PAWR: variants seen among roughly 807,000 people sequenced by gnomAD.
The protein encoded by PAWR is PRKC apoptosis WT1 regulator protein.
In PAWR, 23 loss-of-function variants were observed where a neutral mutation model predicts 32.0. The observed-to-expected ratio is 0.72, with a 90% CI of 0.52 to 1.02. PAWR has a LOEUF of 1.02. PAWR is among the 50% of genes least tolerant of loss of function. PAWR has a pLI of 0.00. For missense variants in PAWR, 457 were observed against 437.7 expected (o/e 1.04, Z -0.39); for synonymous variants, 226 against 187.1 (o/e 1.21, Z -1.70).
chr12:79,689,587 C>T (rs1174554852), intron 2 of PAWR, 142 bp downstream of exon 2: 1 of 906,698 alleles, frequency 1.1e-6, no homozygotes, highest in African/African-American at 1.7e-5. Context: ...ACTCCATCAC[C>T]CCCTGCCTGC....
chr12:79,631,607 T>C (rs1176160966), intron 2 of PAWR, among the ~76,000 whole-genome samples: 2 of 152,122 alleles, frequency 1.3e-5, no homozygotes, highest in African/African-American at 4.8e-5. Context: ...ATTACAACTA[T>C]AAAAATCTTG....
intron 2 of PAWR, among the ~76,000 whole-genome samples, chr12:79,636,588 T>G (rs906974567): frequency 5.3e-5 from 8 of 152,192 alleles, no homozygotes; most frequent in African/African-American, 1.2e-4. Context: ...TAGCTTAAAT[T>G]GTGATCTACT....
chr12:79,593,161 C>G (rs1405941384), intron 6 of PAWR, among the ~76,000 whole-genome samples: 3 of 152,074 alleles, frequency 2.0e-5, no homozygotes, highest in Non-Finnish European at 4.4e-5. Flanking sequence ...ACTGTCTGAT[C>G]TTTAAAGGTG....
chr12:79,647,327 T>C (rs1314762399), intron 2 of PAWR, among the ~76,000 whole-genome samples: 1 of 152,216 alleles, frequency 6.6e-6, no homozygotes, highest in Non-Finnish European at 1.5e-5. Flanking sequence ...TTCTGGAAAC[T>C]TTAAAAAATT....
chr12:79,640,482 T>A (rs1876267512), intron 2 of PAWR, among the ~76,000 whole-genome samples: 1 of 152,206 alleles, frequency 6.6e-6, no homozygotes, highest in Non-Finnish European at 1.5e-5. Flanking sequence ...GGCTCACACT[T>A]ATAATCCCAG....
intron 2 of PAWR, among the ~76,000 whole-genome samples, chr12:79,647,107 A>C (rs961735540): frequency 6.6e-6 from 1 of 151,272 alleles, no homozygotes; most frequent in Non-Finnish European, 1.5e-5. Context: ...ACCAGGAGGC[A>C]GAGGTTGCAG....
chr12:79,679,388 T>C (rs1024497152), intron 2 of PAWR, among the ~76,000 whole-genome samples: 2 of 152,118 alleles, frequency 1.3e-5, no homozygotes, highest in Non-Finnish European at 2.9e-5. Flanking sequence ...GGTCACAAGT[T>C]TGGTGACACT....
At chr12:79,629,991 C>T (rs1875529433) in intron 2 of PAWR, among the ~76,000 whole-genome samples, 1 of 151,554 alleles carries the variant, frequency 6.6e-6, no homozygotes, top group Non-Finnish European at 1.5e-5. Context: ...AAATTTATAA[C>T]AATGAATATT....
chr12:79,628,298 C>T (rs949872739), intron 2 of PAWR, among the ~76,000 whole-genome samples: 9 of 152,032 alleles, frequency 5.9e-5, no homozygotes, highest in Non-Finnish European at 1.3e-4. Context: ...ATCTCTGGGA[C>T]ACATTCAAAG....
chr12:79,666,065 A>G (rs988566168), intron 2 of PAWR, among the ~76,000 whole-genome samples: 1 of 152,310 alleles, frequency 6.6e-6, no homozygotes, highest in Admixed American at 6.5e-5. Flanking sequence ...GTTAGTTGAT[A>G]TAGTACTAAA....
In PAWR at chr12:79,585,963, G is replaced by A. The variant is rs1437657707; in HGVS notation, c.*6644C>T. On this transcript the variant is annotated 3_prime_UTR_variant, in exon 7 of 7. Coordinates refer to ENST00000328827, the MANE Select transcript of PAWR (RefSeq NM_002583.4). The stretch of plus-strand genomic sequence containing the variant: ...CCACTGCACCTAGCCAGGCATATTG[G>A]TTTTAAAAGGGTTACAAGAAACAAG... 1.3e-5 allele frequency: 2 copies of A among 152,144 alleles called. No individual in the cohort carries two copies. The highest frequency in any genetic ancestry group is 2.9e-5 in the Non-Finnish European group (2 of 68,036). The allele number at this position is 152,144 out of a possible 1,614,324, so 9.4% of individuals were successfully genotyped here. A position where few individuals can be genotyped will look rare whatever the true frequency, so the allele number is the denominator to read the frequency against.
At chr12:79,688,124 C>G (rs947331086) in intron 2 of PAWR, among the ~76,000 whole-genome samples, 1 of 151,876 alleles carries the variant, frequency 6.6e-6, no homozygotes, top group Non-Finnish European at 1.5e-5. Flanking sequence ...ACATTCTCAG[C>G]ACTATGTTCT....
At chr12:79,607,745 ATAATAAT>A (rs1160146731) in intron 4 of PAWR, among the ~76,000 whole-genome samples, 3 of 138,658 alleles carry the variant, frequency 2.2e-5, no homozygotes, top group African/African-American at 2.5e-5. Flanking sequence ...AAAAAAAAAA[ATAATAAT>A]AATAATAATA....
chr12:79,593,419 C>A (rs1267404267), intron 6 of PAWR, among the ~76,000 whole-genome samples: 1 of 152,056 alleles, frequency 6.6e-6, no homozygotes, highest in East Asian at 1.9e-4. Flanking sequence ...ATCCTTGTCC[C>A]AAACACACAA....
chr12:79,647,304 C>A (rs1876624632), intron 2 of PAWR, among the ~76,000 whole-genome samples: 1 of 151,778 alleles, frequency 6.6e-6, no homozygotes, highest in Non-Finnish European at 1.5e-5. Flanking sequence ...AACTATAATT[C>A]CTTTAAATGT....
chr12:79,605,996 C>CCCA (rs904619098), intron 4 of PAWR, among the ~76,000 whole-genome samples: 2 of 152,056 alleles, frequency 1.3e-5, no homozygotes, highest in Admixed American at 1.3e-4. Flanking sequence ...ATCACTTGAA[C>CCCA]CCACAACGCG....
At chr12:79,624,478 C>A (rs147056413) in intron 2 of PAWR, among the ~76,000 whole-genome samples, 9 of 152,308 alleles carry the variant, frequency 5.9e-5, no homozygotes, top group African/African-American at 2.2e-4. Flanking sequence ...GGCAACACTG[C>A]TATCCACTGA....
chr12:79,628,171 C>T (rs1328885968), intron 2 of PAWR, among the ~76,000 whole-genome samples: 1 of 152,148 alleles, frequency 6.6e-6, no homozygotes, highest in Non-Finnish European at 1.5e-5. Flanking sequence ...AACCACTCAA[C>T]TACATGGAAA....
At chr12:79,599,306 G>C (rs568780173) in intron 4 of PAWR, among the ~76,000 whole-genome samples, 2 of 152,270 alleles carry the variant, frequency 1.3e-5, no homozygotes, top group South Asian at 4.2e-4. Flanking sequence ...CAAATGTAAT[G>C]AATTAGTGTT....
Sources: allele counts gnomAD v4.1 joint callset (sites outside exome capture counted in the v4.1 genomes callset), GRCh38; gene constraint gnomAD v4.1.1; transcripts MANE v1.5; gene names NCBI Gene and HGNC (gene_info 2026-07-23, HGNC 2026-07-21).